Variants in HS6ST3 observed in about 807,000 individuals in gnomAD.
HS6ST3 encodes heparan sulfate 6-O-sulfotransferase 3.
In HS6ST3, 12 loss-of-function variants were observed where a neutral mutation model predicts 36.7. That is an observed-to-expected ratio of 0.33 (90% CI 0.21 to 0.53). The LOEUF (loss-of-function observed/expected upper bound fraction) is 0.53, where lower values mean the gene tolerates loss of function less well. Among genes scored for constraint, HS6ST3 ranks in the 20% least tolerant of loss-of-function variants. The pLI is 0.95. For synonymous variants in HS6ST3, 240 were observed against 257.5 expected (o/e 0.93, Z 0.65); for missense variants, 584 against 640.9 (o/e 0.91, Z 0.96).
chr13:96,298,062 T>C (rs965183412), intron 1 of HS6ST3, among the ~76,000 whole-genome samples: 7 of 152,194 alleles, frequency 4.6e-5, no homozygotes, highest in Non-Finnish European at 1.0e-4. Flanking sequence ...CTTCCATGAA[T>C]GAATTCTGGA....
chr13:96,455,489 A>G (rs1327264434), intron 1 of HS6ST3, among the ~76,000 whole-genome samples: 3 of 152,016 alleles, frequency 2.0e-5, no homozygotes, highest in Non-Finnish European at 2.9e-5. Flanking sequence ...TAGCCTCCCA[A>G]AGTGCTTGGA....
intron 1 of HS6ST3, among the ~76,000 whole-genome samples, chr13:96,496,313 G>A (rs1332793589): frequency 1.3e-5 from 2 of 152,128 alleles, no homozygotes; most frequent in Non-Finnish European, 2.9e-5. Flanking sequence ...TGGAACTCTG[G>A]AAGATTGCTT....
intron 1 of HS6ST3, among the ~76,000 whole-genome samples, chr13:96,487,291 C>A (rs997978693): frequency 6.6e-6 from 1 of 151,966 alleles, no homozygotes; most frequent in Non-Finnish European, 1.5e-5. Context: ...CAAGGCAGGA[C>A]CCTCTTGCTT....
chr13:96,810,910 A>G (rs766248171), intron 1 of HS6ST3, among the ~76,000 whole-genome samples: 10 of 152,188 alleles, frequency 6.6e-5, no homozygotes, highest in Admixed American at 3.9e-4. Context: ...TTACAGTTCA[A>G]GTTTTCCTGT....
intron 1 of HS6ST3, among the ~76,000 whole-genome samples, chr13:96,429,933 T>C (rs1217494261): frequency 1.3e-5 from 2 of 152,226 alleles, no homozygotes; most frequent in Non-Finnish European, 2.9e-5. Flanking sequence ...ATTTTTCTAT[T>C]GTAGATTTAA....
intron 1 of HS6ST3, among the ~76,000 whole-genome samples, chr13:96,414,476 T>C (rs2139464089): frequency 6.6e-6 from 1 of 152,234 alleles, no homozygotes; most frequent in South Asian, 2.1e-4. Context: ...TCTTGATTCG[T>C]TTTTCTTTCT....
At chr13:96,749,266 G>C (rs2138490875) in intron 1 of HS6ST3, among the ~76,000 whole-genome samples, 1 of 152,114 alleles carries the variant, frequency 6.6e-6, no homozygotes, top group South Asian at 2.1e-4. Flanking sequence ...TATCATTAAG[G>C]ATAAGTCAAG....
chr13:96,524,058 CT>C (rs772648600), intron 1 of HS6ST3, among the ~76,000 whole-genome samples: 10 of 152,054 alleles, frequency 6.6e-5, no homozygotes, highest in Non-Finnish European at 1.2e-4. Flanking sequence ...GGATGTCCTT[CT>C]TGTTGATGTT....
intron 1 of HS6ST3, among the ~76,000 whole-genome samples, chr13:96,204,325 C>G (rs2054358744): frequency 6.6e-6 from 1 of 152,032 alleles, no homozygotes; most frequent in Non-Finnish European, 1.5e-5. Context: ...GATATGCACC[C>G]AATATAGGAG....
chr13:96,693,587 G>A (rs914355913), intron 1 of HS6ST3, among the ~76,000 whole-genome samples: 2 of 152,188 alleles, frequency 1.3e-5, no homozygotes, highest in African/African-American at 4.8e-5. Flanking sequence ...ACAGGCGTGA[G>A]CCACCATGAC....
chr13:96,639,606 T>C (rs2056562946), intron 1 of HS6ST3, among the ~76,000 whole-genome samples: 1 of 151,952 alleles, frequency 6.6e-6, no homozygotes, highest in South Asian at 2.1e-4. Flanking sequence ...TTTGGATATA[T>C]TGTGTGGTGC....
chr13:96,354,422 A>C (rs930845341), intron 1 of HS6ST3, among the ~76,000 whole-genome samples: 1 of 152,166 alleles, frequency 6.6e-6, no homozygotes, highest in Non-Finnish European at 1.5e-5. Flanking sequence ...GGGAAAAAAA[A>C]TCTTAATTTC....
intron 1 of HS6ST3, among the ~76,000 whole-genome samples, chr13:96,376,621 G>A (rs552530535): frequency 2.6e-5 from 4 of 152,222 alleles, no homozygotes; most frequent in African/African-American, 9.6e-5. Flanking sequence ...GGCATCTATT[G>A]ACTATGATAT....
At position 96,143,472 on chromosome 13, in the gene HS6ST3, C is replaced by T. The variant is rs906461123; in HGVS notation, c.707+51903C>T. Among the ~76,000 whole-genome samples the T allele has an allele frequency of 8.7e-5, 13 of 149,244 alleles. No individual in the cohort carries two copies. The Admixed American group carries it at 8.7e-4, about 10-fold the overall frequency. On this transcript the variant is annotated intron_variant, in intron 1 of 1. Transcript: ENST00000376705. ...ATAAATATATAATATATATTTTAAG[C>T]AGACAAGGCAGTTTCAAGAAGAACC... is the stretch of plus-strand genomic sequence containing the variant.
At chr13:96,145,985 AG>A (rs1484596030) in intron 1 of HS6ST3, among the ~76,000 whole-genome samples, 1 of 152,060 alleles carries the variant, frequency 6.6e-6, no homozygotes, top group Non-Finnish European at 1.5e-5. Context: ...ATTATTTCTG[AG>A]GGCTCTGTTC....
intron 1 of HS6ST3, among the ~76,000 whole-genome samples, chr13:96,795,278 C>G (rs971176664): frequency 6.6e-6 from 1 of 151,790 alleles, no homozygotes; most frequent in Non-Finnish European, 1.5e-5. Context: ...TATTAATAAT[C>G]AATTTTAATA....
At chr13:96,713,356 T>G (rs1875609584) in intron 1 of HS6ST3, among the ~76,000 whole-genome samples, 1 of 152,214 alleles carries the variant, frequency 6.6e-6, no homozygotes, top group Non-Finnish European at 1.5e-5. Context: ...CATTAGATCT[T>G]AACATTTCTC....
intron 1 of HS6ST3, among the ~76,000 whole-genome samples, chr13:96,428,278 C>T (rs964290574): frequency 2.0e-5 from 3 of 152,104 alleles, no homozygotes; most frequent in African/African-American, 7.2e-5. Context: ...GACAGGGAGT[C>T]GGAGGTGCAG....
intron 1 of HS6ST3, among the ~76,000 whole-genome samples, chr13:96,238,443 G>A (rs932087924): frequency 3.3e-5 from 5 of 152,140 alleles, no homozygotes; most frequent in African/African-American, 9.7e-5. Context: ...TATGATGGCC[G>A]ACAAGGCTCT....
Sources: gnomAD v4.1 joint callset for allele counts (sites outside exome capture counted in the v4.1 genomes callset) on GRCh38, gnomAD v4.1.1 for gene constraint, MANE v1.5 for transcripts, NCBI Gene and HGNC (gene_info 2026-07-23, HGNC 2026-07-21) for gene names.